Variants in NBPF14 observed in about 807,000 individuals in gnomAD.
NBPF14 encodes NBPF member 14.
NBPF14 carries 104 observed loss-of-function variants against 91.2 expected under a neutral mutation model. The observed-to-expected ratio is 1.14, with a 90% CI of 0.97 to 1.34. The LOEUF is 1.34. Ranked by LOEUF, NBPF14 falls within the 40% of genes most tolerant of loss-of-function variation. NBPF14 has a pLI of 0.00. For missense variants in NBPF14, 908 were observed against 783.0 expected (o/e 1.16, Z -1.91); for synonymous variants, 294 against 303.8 (o/e 0.97, Z 0.34).
At chr1:148,584,952 C>A in intron 10 of NBPF14, among the ~76,000 whole-genome samples, 189 bp downstream of exon 10, 1 of 147,862 alleles carries the variant, frequency 6.8e-6, no homozygotes, top group East Asian at 1.9e-4. Flanking sequence ...ACGGTGCAGA[C>A]ATGACACTCA....
Position 148,539,407 on chromosome 1 carries a change from C to T in NBPF14, c.7882+3G>A. Reference sequence around the variant, plus strand: ...CTTATCACCTTCACAGTAAGGTACTCACTGTCCACGTCAAGAGCCAAGCCA... The same window carrying T: ...CTTATCACCTTCACAGTAAGGTACTTACTGTCCACGTCAAGAGCCAAGCCA... On this transcript the variant is annotated splice_donor_region_variant and intron_variant, in intron 63 of 70. Coordinates refer to ENST00000619423, the Ensembl canonical transcript of NBPF14. 2 of 361,060 alleles carry T rather than the reference C, an allele frequency of 5.5e-6. No homozygotes were observed. Among genetic ancestry groups the T allele is most frequent in the South Asian group, 2.2e-5 (1 of 45,294 alleles). The allele number at this position is 361,060 out of a possible 1,614,324, so 22.4% of individuals were successfully genotyped here.
intron 2 of NBPF14, among the ~76,000 whole-genome samples, chr1:148,594,935 C>A (rs1663067632): frequency 1.7e-5 from 2 of 115,888 alleles, no homozygotes; most frequent in South Asian, 3.2e-4. Flanking sequence ...TGACCTCGTG[C>A]TCTGCCCGCC....
chr1:148,533,355 G>C (rs1428989350), intron 70 of NBPF14, 107 bp from the exon 71 acceptor site: 2 of 522,118 alleles, frequency 3.8e-6, no homozygotes, highest in East Asian at 3.1e-5. Flanking sequence ...AAAGAAAAAG[G>C]ATAGAACCAT....
At chr1:148,542,087 G>C (rs1407533704) in intron 59 of NBPF14, among the ~76,000 whole-genome samples, 18 of 97,970 alleles carry the variant, frequency 1.8e-4, no homozygotes, top group African/African-American at 5.7e-4. Context: ...TCCCAAGTTT[G>C]TGCAAACAGT....
At chr1:148,579,896 G>C (rs1470037555) in intron 12 of NBPF14, among the ~76,000 whole-genome samples, 25 of 152,264 alleles carry the variant, frequency 1.6e-4, no homozygotes, top group African/African-American at 6.0e-4. Flanking sequence ...GAAAGGAATA[G>C]CATCAACATC....
Position 148,559,915 on chromosome 1 carries a change from G to C in NBPF14, c.4607C>G (p.Ser1536Ter). 7.6e-7 allele frequency: 1 copy of C among 1,317,684 alleles called. No individual in the cohort carries two copies. Among genetic ancestry groups the C allele is most frequent in the Non-Finnish European group, 1.1e-6 (1 of 947,798 alleles). The allele number at this position is 1,317,684 out of a possible 1,614,324, so 81.6% of individuals were successfully genotyped here. A position where few individuals can be genotyped will look rare whatever the true frequency, so the allele number is the denominator to read the frequency against. Residue 1536 changes from serine to a stop codon, truncating the protein, a stop_gained, in exon 37 of 71, where the codon TCA becomes TGA. Coordinates refer to ENST00000619423, the Ensembl canonical transcript of NBPF14. LOFTEE classifies it high-confidence loss of function. ...AGGAGTTGAATAACATCTATCCAGT[G>C]AGTCCTGCAAGACTTCAGGCCCTTT...
intron 12 of NBPF14, among the ~76,000 whole-genome samples, chr1:148,580,009 G>T (rs1180160225): frequency 2.0e-5 from 3 of 151,862 alleles, no homozygotes; most frequent in African/African-American, 7.3e-5. Flanking sequence ...GAGCACAAAA[G>T]CTGAAAATTC....
intron 70 of NBPF14, among the ~76,000 whole-genome samples, chr1:148,533,535 G>A (rs1456354704): frequency 4.6e-5 from 7 of 150,712 alleles, no homozygotes; most frequent in Admixed American, 1.3e-4. Flanking sequence ...AGGACACTCT[G>A]AGTTAGTGCC....
At chr1:148,535,338 A>T (rs1365895259) in intron 68 of NBPF14, 115 bp downstream of exon 68, 2 of 591,112 alleles carry the variant, frequency 3.4e-6, no homozygotes, top group South Asian at 3.9e-5. Context: ...CAATGTCAGT[A>T]GGAGTAATTC....
rs1337468362 is a variant in NBPF14 at position 148,559,786 on chromosome 1, T to G, written c.4729+7A>C. On this transcript the variant is annotated splice_region_variant and intron_variant, in intron 37 of 70. Transcript: ENST00000619423. The stretch of plus-strand genomic sequence containing the variant: ...GATCCTTATCACCTTCATAGAAAGG[T>G]ACTCACCATCCATGTCAACAGCCAA... 58 of 1,470,924 alleles carry G rather than the reference T, an allele frequency of 3.9e-5. 1 individual carries two copies. In the Middle Eastern group the frequency reaches 2.2e-3, roughly 56 times the overall value. 91.1% of individuals were successfully genotyped at this position (1,470,924 alleles called of 1,614,324 possible).
chr1:148,572,411 G>C lies in NBPF14; in HGVS notation c.2758+32C>G. 7 of 439,206 alleles carry C rather than the reference G, an allele frequency of 1.6e-5. 1 individual carries two copies. The highest frequency in any genetic ancestry group is 2.2e-5 in the South Asian group (1 of 45,168). 27.2% of individuals were successfully genotyped at this position (439,206 alleles called of 1,614,324 possible). ...TCACCCCTATCTGGAAGACCAGGTG[G>C]AGGCTTATCACCTTCACAGTAAGGT... On this transcript the variant is annotated intron_variant, in intron 21 of 70. Coordinates refer to ENST00000619423, the Ensembl canonical transcript of NBPF14.
chr1:148,534,393 C>CA (rs1275030908), intron 69 of NBPF14, among the ~76,000 whole-genome samples: 2 of 151,884 alleles, frequency 1.3e-5, no homozygotes, highest in Middle Eastern at 3.4e-3. Context: ...ACCCTTGAGT[C>CA]AAAATCACAG....
At chr1:148,589,836 G>A (rs1240458673) in intron 6 of NBPF14, among the ~76,000 whole-genome samples, 3 of 148,118 alleles carry the variant, frequency 2.0e-5, no homozygotes, top group South Asian at 2.2e-4. Flanking sequence ...GGGTTCAAGC[G>A]ATTCTCATCC....
At chr1:148,587,178 C>A (rs1246829649) in intron 8 of NBPF14, 123 bp downstream of exon 8, 2 of 791,460 alleles carry the variant, frequency 2.5e-6, no homozygotes, top group Non-Finnish European at 4.3e-6. Context: ...GTGTAGCGAG[C>A]CTGCCATGGC....
At chr1:148,594,911 T>A (rs1202960034) in intron 2 of NBPF14, among the ~76,000 whole-genome samples, 1 of 107,082 alleles carries the variant, frequency 9.3e-6, no homozygotes, top group African/African-American at 5.4e-5. Flanking sequence ...TTGCCCAGGC[T>A]AGTCTCAAAC....
chr1:148,534,658 T>A (rs781963488), intron 69 of NBPF14, 26 bp downstream of exon 69: 3 of 843,960 alleles, frequency 3.6e-6, no homozygotes, highest in Non-Finnish European at 2.1e-6. Context: ...GGTGGAGGCT[T>A]ATCACCTTCA....
In NBPF14 at chr1:148,566,319, G is replaced by A. The variant is rs1189530336; in HGVS notation, c.3543-4C>T. 6.6e-6 allele frequency: 5 copies of A among 755,310 alleles called. 1 individual carries two copies. Among genetic ancestry groups the A allele is most frequent in the South Asian group, 5.7e-5 (4 of 70,256 alleles). 46.8% of individuals were successfully genotyped at this position (755,310 alleles called of 1,614,324 possible). A position where few individuals can be genotyped will look rare whatever the true frequency, so the allele number is the denominator to read the frequency against. ...CTCCAGCAGCTCCCTGCTGAGCCTG[G>A]AAAAGGAGGAAAAGGTAAAGAATAA... On this transcript the variant is annotated splice_polypyrimidine_tract_variant and splice_region_variant and intron_variant, in intron 28 of 70. Coordinates refer to ENST00000619423, the Ensembl canonical transcript of NBPF14.
chr1:148,559,667 A>G, intron 37 of NBPF14, 126 bp downstream of exon 37: 1 of 627,364 alleles, frequency 1.6e-6, no homozygotes, highest in Non-Finnish European at 2.7e-6. Context: ...TTCAACCTAC[A>G]TGTGCCTATA....
intron 21 of NBPF14, 36 bp downstream of exon 21, chr1:148,572,407 G>A: frequency 2.3e-6 from 1 of 432,232 alleles, no homozygotes; most frequent in Non-Finnish European, 3.9e-6. Context: ...TGGAAGACCA[G>A]GTGGAGGCTT....
Sources: allele counts gnomAD v4.1 joint callset (sites outside exome capture counted in the v4.1 genomes callset), GRCh38; gene constraint gnomAD v4.1.1; transcripts MANE v1.5; gene names NCBI Gene and HGNC (gene_info 2026-07-23, HGNC 2026-07-21).